The following ADAP1 variants were observed in gnomAD, a reference collection of about 807,000 sequenced individuals.
The protein encoded by ADAP1 is arf-GAP with dual PH domain-containing protein 1.
A neutral mutation model predicts 54.9 loss-of-function variants in ADAP1; 31 were observed. That is an observed-to-expected ratio of 0.56 (90% CI 0.42 to 0.76). ADAP1 has a LOEUF of 0.76. ADAP1 is among the 30% of genes least tolerant of loss of function. The pLI is 0.00. For synonymous variants in ADAP1, 313 were observed against 202.6 expected (o/e 1.55, Z -4.63); for missense variants, 535 against 512.4 (o/e 1.04, Z -0.42).
chr7:930,410 G>C lies in ADAP1; in HGVS notation c.214-3766C>G, dbSNP rs963383884. On this transcript the variant is annotated intron_variant, in intron 2 of 10. Transcript: ENST00000265846. The stretch of plus-strand genomic sequence containing the variant: ...AGAAAACACAGGGCCGGGCGCGGTG[G>C]CTCACACCTGTAATCCCAGCACTTT... 8.1e-4 allele frequency among the ~76,000 whole-genome samples: 16 copies of C among 19,786 alleles called. No individual in the cohort carries two copies. In the African/African-American group the frequency reaches 9.1e-3, roughly 11 times the overall value. The allele number at this position is 19,786 out of a possible 152,430, so 13.0% of individuals were successfully genotyped here.
intron 1 of ADAP1, among the ~76,000 whole-genome samples, chr7:948,190 A>G (rs919893390): frequency 3.8e-4 from 53 of 140,784 alleles, no homozygotes; most frequent in African/African-American, 1.4e-3. Flanking sequence ...TGACCCAGCC[A>G]TGTCTGTCCC....
chr7:909,978 T>G (rs747029672), intron 4 of ADAP1, among the ~76,000 whole-genome samples: 5 of 152,160 alleles, frequency 3.3e-5, no homozygotes, highest in Admixed American at 1.3e-4. Flanking sequence ...CAGACGCCTC[T>G]GAGGAGCCCT....
chr7:903,890 T>TG (rs775193605), intron 6 of ADAP1: 17 of 499,384 alleles, frequency 3.4e-5, no homozygotes, highest in African/African-American at 6.1e-5. Context: ...AGCCCGGCCC[T>TG]GGGAAGCTGC....
At position 920,665 on chromosome 7, in the gene ADAP1, G is replaced by T. The variant is rs1846157587; in HGVS notation, c.306-615C>A. 1 of 821,740 alleles carries T rather than the reference G, an allele frequency of 1.2e-6. No individual in the cohort carries two copies. Among genetic ancestry groups the T allele is most frequent in the South Asian group, 1.8e-5 (1 of 54,968 alleles). 50.9% of individuals were successfully genotyped at this position (821,740 alleles called of 1,614,324 possible). ...ATACCCAAGAATCCAGGAAGACCCG[G>T]GATGAGGAGAAGCCCCCGAGAGTAA... On this transcript the variant is annotated intron_variant, in intron 3 of 10. Coordinates refer to ENST00000265846, the MANE Select transcript of ADAP1 (RefSeq NM_006869.4). The surrounding 1 kb of genome is among the most constrained non-coding windows in gnomAD (Gnocchi z 4.5).
chr7:905,384 GA>G lies in ADAP1; in HGVS notation c.389-213del, dbSNP rs369268692. 3.6e-4 allele frequency: 93 copies of G among 260,996 alleles called. 10 individuals are homozygous for G. Among genetic ancestry groups the G allele is most frequent in the East Asian group, 2.7e-3 (33 of 12,052 alleles). 16.2% of individuals were successfully genotyped at this position (260,996 alleles called of 1,614,324 possible). ...GGAAAGGGAAAGGGAAAGGAGAAAG[GA>G]GAAAGGAGAAAGGAGAAAGGAGAAA... On this transcript the variant is annotated intron_variant, in intron 4 of 10. Transcript: ENST00000265846.
intron 4 of ADAP1, among the ~76,000 whole-genome samples, chr7:913,037 G>A (rs1159915777): frequency 3.3e-5 from 5 of 152,084 alleles, no homozygotes; most frequent in African/African-American, 1.2e-4. Flanking sequence ...TTGAGACGGA[G>A]TCTCCCCACG....
At chr7:933,117 G>A (rs3779608) in intron 2 of ADAP1, among the ~76,000 whole-genome samples, 79,510 of 151,352 alleles carry the variant, frequency 0.53, 21,073 homozygotes, top group East Asian at 0.69. Context: ...CTAAAAATAC[G>A]AAAATTAGCC....
intron 4 of ADAP1, among the ~76,000 whole-genome samples, chr7:909,175 G>A (rs1313150957): frequency 3.9e-5 from 5 of 129,704 alleles, no homozygotes; most frequent in African/African-American, 8.7e-5. Flanking sequence ...GACAGCAGGC[G>A]CCAGCGGGAA....
At chr7:903,138 G>A (rs547482827) in intron 6 of ADAP1, among the ~76,000 whole-genome samples, 31 of 152,276 alleles carry the variant, frequency 2.0e-4, no homozygotes, top group Admixed American at 2.6e-4. Context: ...AACAGTCTGC[G>A]GAGAGTCTGC....
At chr7:949,399 T>C (rs1190400759) in intron 1 of ADAP1, among the ~76,000 whole-genome samples, 1 of 152,234 alleles carries the variant, frequency 6.6e-6, no homozygotes, top group East Asian at 1.9e-4. Flanking sequence ...GAGAAGCAGT[T>C]GGGGGATGCG....
intron 6 of ADAP1, among the ~76,000 whole-genome samples, chr7:902,905 A>G (rs994654319): frequency 2.0e-5 from 3 of 152,250 alleles, no homozygotes; most frequent in African/African-American, 4.8e-5. Flanking sequence ...CTAGAATTCT[A>G]TATCTAGCCA....
chr7:899,507 G>A lies in ADAP1; in HGVS notation c.796-17C>T, dbSNP rs1844674681. On this transcript the variant is annotated splice_polypyrimidine_tract_variant and intron_variant, in intron 8 of 10. Transcript: ENST00000265846. ...TTCCGTTTGCTGTGGGTCAGAGAGG[G>A]CCCGTGACCGGCAGGTCGCCGAGGC... 5 of 1,611,112 alleles carry A rather than the reference G, an allele frequency of 3.1e-6. No individual in the cohort carries two copies. Among genetic ancestry groups the A allele is most frequent in the East Asian group, 2.2e-5 (1 of 44,816 alleles).
At chr7:903,671 G>A (rs117904928) in intron 6 of ADAP1, among the ~76,000 whole-genome samples, 2,634 of 151,514 alleles carry the variant, frequency 0.017, 36 homozygotes, top group Non-Finnish European at 0.025. Context: ...CCTCCCCGCC[G>A]CCACACCAAG....
chr7:905,747 GGGAGAAGGGAGAAGGGAGAAAGGAGAAA>G (rs1845214739), intron 4 of ADAP1: 4 of 3,602 alleles, frequency 1.1e-3, no homozygotes, highest in African/African-American at 1.4e-3. Flanking sequence ...GAAAGGAGAA[GGGAGAAGGGAGAAGGGAGAAAGGAGAAA>G]GGAGAAAGGA....
At position 920,425 on chromosome 7, in the gene ADAP1, C is replaced by T. The variant is rs1846144986; in HGVS notation, c.306-375G>A. On this transcript the variant is annotated intron_variant, in intron 3 of 10. Transcript: ENST00000265846. This position sits in a 1 kb window ranked among gnomAD's most constrained non-coding sequence, Gnocchi z 4.5. The stretch of plus-strand genomic sequence containing the variant: ...GCCCCCCCACCCCGAGTCACACGCC[C>T]CTGGGCCCTCCCCGACCCTCCCCAC... 6.6e-6 allele frequency among the ~76,000 whole-genome samples: 1 copy of T among 151,624 alleles called. No homozygotes were observed. The highest frequency in any genetic ancestry group is 1.5e-5 in the Non-Finnish European group (1 of 67,806).
At chr7:917,576 T>C (rs1845987790) in intron 4 of ADAP1, among the ~76,000 whole-genome samples, 1 of 151,992 alleles carries the variant, frequency 6.6e-6, no homozygotes, top group Non-Finnish European at 1.5e-5. Context: ...GCGATTCTCC[T>C]GCATCAGCCT....
At chr7:951,240 G>C (rs554658674) in intron 1 of ADAP1, among the ~76,000 whole-genome samples, 3 of 152,080 alleles carry the variant, frequency 2.0e-5, no homozygotes, top group Non-Finnish European at 2.9e-5. Flanking sequence ...GGGCGTGGTG[G>C]CGGGTGCCTG....
rs1847155608 is a variant in ADAP1 at position 946,917 on chromosome 7, A to C, written c.82+7479T>G. The stretch of plus-strand genomic sequence containing the variant: ...TGGAGAGGCCAAGGTGAACGGGTGG[A>C]GCCCAGGAGTTCGAGACCAGCCTGG... On this transcript the variant is annotated intron_variant, in intron 1 of 10. Coordinates refer to ENST00000265846, the MANE Select transcript of ADAP1 (RefSeq NM_006869.4). This position sits in a 1 kb window ranked among gnomAD's most constrained non-coding sequence, Gnocchi z 4.3. Among the ~76,000 whole-genome samples the C allele has an allele frequency of 6.6e-6, 1 of 152,238 alleles. No individual in the cohort carries two copies. Among genetic ancestry groups the C allele is most frequent in the South Asian group, 2.1e-4 (1 of 4,838 alleles).
chr7:922,490 G>A (rs1401888289), intron 3 of ADAP1, among the ~76,000 whole-genome samples: 1 of 152,128 alleles, frequency 6.6e-6, no homozygotes, highest in Non-Finnish European at 1.5e-5. Flanking sequence ...AGCCCAAGAT[G>A]CCATGGGAGA....
Sources: allele counts gnomAD v4.1 joint callset (sites outside exome capture counted in the v4.1 genomes callset), GRCh38; gene constraint gnomAD v4.1.1; non-coding constraint Gnocchi (gnomAD v3.1); transcripts MANE v1.5; gene names NCBI Gene and HGNC (gene_info 2026-07-23, HGNC 2026-07-21).